The following PRKG1 variants were observed in gnomAD, a reference collection of about 807,000 sequenced individuals.
PRKG1 encodes protein kinase cGMP-dependent 1.
A neutral mutation model predicts 88.1 loss-of-function variants in PRKG1; 35 were observed. The observed-to-expected ratio is 0.40, with a 90% CI of 0.30 to 0.53. The LOEUF (loss-of-function observed/expected upper bound fraction) is 0.53. PRKG1 is among the 20% of genes least tolerant of loss of function. The pLI, the probability that PRKG1 is intolerant of heterozygous loss-of-function variation, is 0.59. For missense variants in PRKG1, 540 were observed against 839.8 expected, an observed-to-expected ratio of 0.64 and a Z score of 4.41; for synonymous variants, 303 against 292.5, an observed-to-expected ratio of 1.04 and a Z score of -0.37.
chr10:51,064,838 A>G (rs1843730503), intron 1 of PRKG1, among the ~76,000 whole-genome samples: 2 of 152,058 alleles, frequency 1.3e-5, no homozygotes, highest in Non-Finnish European at 2.9e-5. Context: ...TTGTGATGTT[A>G]AGCTTATGAT....
At chr10:51,830,560 GTT>G (rs531412645) in intron 4 of PRKG1, among the ~76,000 whole-genome samples, 20 of 83,642 alleles carry the variant, frequency 2.4e-4, no homozygotes, top group African/African-American at 8.4e-4. Flanking sequence ...TTTTTTTTTT[GTT>G]TTTTTTTTTT....
chr10:50,991,322 C>CGCA lies in PRKG1; in HGVS notation c.-55_-54insAGC, dbSNP rs869177340. Reference sequence around the variant, plus strand: ...CGGCTGCCGTCCCAGCCGCCGCCGCCGCCGCCGCCGCCGCCGCCGCCCGAG... The same window carrying CGCA: ...CGGCTGCCGTCCCAGCCGCCGCCGCCGCAGCCGCCGCCGCCGCCGCCGCCCGAG... On this transcript the variant is annotated 5_prime_UTR_variant, in exon 1 of 18. Coordinates refer to the PRKG1 transcript ENST00000401604. The surrounding 1 kb of genome is among the most constrained non-coding windows in gnomAD (Gnocchi z 4.5). 9 of 1,394,900 alleles carry CGCA rather than the reference C, an allele frequency of 6.5e-6. No individual in the cohort carries two copies. The highest frequency in any genetic ancestry group is 6.2e-5 in the African/African-American group (4 of 64,182). 86.4% of individuals were successfully genotyped at this position (1,394,900 alleles called of 1,614,324 possible).
At chr10:51,148,793 C>G (rs1158519345) in intron 1 of PRKG1, among the ~76,000 whole-genome samples, 1 of 152,082 alleles carries the variant, frequency 6.6e-6, no homozygotes, top group African/African-American at 2.4e-5. Flanking sequence ...TTTCAGTATT[C>G]ATTAATTGAT....
chr10:51,464,691 A>C (rs917724714), intron 2 of PRKG1, among the ~76,000 whole-genome samples: 1 of 151,750 alleles, frequency 6.6e-6, no homozygotes, highest in African/African-American at 2.4e-5. Flanking sequence ...GGAGATCGAG[A>C]CCATCCCGGC....
At chr10:51,252,271 T>C (rs1839446719) in intron 2 of PRKG1, among the ~76,000 whole-genome samples, 1 of 151,858 alleles carries the variant, frequency 6.6e-6, no homozygotes, top group Non-Finnish European at 1.5e-5. Context: ...ATAACACTTT[T>C]GTTATTTGGA....
intron 2 of PRKG1, among the ~76,000 whole-genome samples, chr10:51,345,389 T>C (rs1470802428): frequency 6.6e-6 from 1 of 152,112 alleles, no homozygotes; most frequent in Non-Finnish European, 1.5e-5. Context: ...CTATTAACTG[T>C]AATAGGTAAC....
intron 3 of PRKG1, among the ~76,000 whole-genome samples, chr10:51,572,698 T>A (rs1393491061): frequency 6.6e-6 from 1 of 151,798 alleles, no homozygotes; most frequent in Non-Finnish European, 1.5e-5. Context: ...GTTTGTTTGT[T>A]TTTTGAGATG....
intron 7 of PRKG1, among the ~76,000 whole-genome samples, chr10:52,100,699 A>T (rs1047131604): frequency 4.6e-5 from 7 of 152,210 alleles, no homozygotes; most frequent in Non-Finnish European, 1.0e-4. Flanking sequence ...GAGAGCCTTT[A>T]TCCAAGATGA....
intron 1 of PRKG1, among the ~76,000 whole-genome samples, chr10:51,129,359 C>T (rs1348143701): frequency 2.0e-5 from 3 of 151,870 alleles, no homozygotes; most frequent in Admixed American, 6.6e-5. Context: ...GCATGATAAT[C>T]GCTTGAACCC....
intron 5 of PRKG1, among the ~76,000 whole-genome samples, chr10:52,035,756 T>C (rs998391888): frequency 3.3e-5 from 5 of 151,852 alleles, no homozygotes; most frequent in African/African-American, 1.2e-4. Context: ...AGGAAGAAAA[T>C]AGATTTTGGA....
rs143221830 is a variant in PRKG1 at position 51,295,627 on chromosome 10, G to A, written c.478+142297G>A. On this transcript the variant is annotated intron_variant, in intron 2 of 17. Coordinates refer to ENST00000373980, the MANE Select transcript of PRKG1 (RefSeq NM_006258.4). The stretch of plus-strand genomic sequence containing the variant: ...TTCCTAATTAGATGCATTCTATTCC[G>A]ATTTCCTTTCCTTTCCTCTTCTTTT... Among the ~76,000 whole-genome samples the A allele has an allele frequency of 1.5e-3, 228 of 150,076 alleles. 1 individual carries two copies. Among genetic ancestry groups the A allele is most frequent in the African/African-American group, 5.4e-3 (220 of 41,012 alleles).
intron 2 of PRKG1, among the ~76,000 whole-genome samples, chr10:51,349,240 A>G (rs1279476999): frequency 2.6e-5 from 4 of 152,158 alleles, no homozygotes; most frequent in African/African-American, 4.8e-5. Flanking sequence ...GTGGAAGACT[A>G]CGGATTTCTG....
At chr10:51,041,327 G>A (rs1222841060) in intron 1 of PRKG1, among the ~76,000 whole-genome samples, 3 of 152,134 alleles carry the variant, frequency 2.0e-5, no homozygotes, top group Non-Finnish European at 4.4e-5. Context: ...TTGTATCTGA[G>A]CTGGTACCCA....
intron 2 of PRKG1, among the ~76,000 whole-genome samples, chr10:51,380,297 T>C (rs965445711): frequency 2.0e-5 from 3 of 152,162 alleles, no homozygotes; most frequent in Non-Finnish European, 4.4e-5. Flanking sequence ...TGATTATCCA[T>C]AGTGGGAGTA....
chr10:51,580,926 AT>A (rs1488567065), intron 3 of PRKG1, among the ~76,000 whole-genome samples: 2 of 151,898 alleles, frequency 1.3e-5, no homozygotes, highest in African/African-American at 4.8e-5. Flanking sequence ...CCACAATGCA[AT>A]GGGGCTCTTT....
chr10:52,276,098 G>T (rs190899489), intron 12 of PRKG1, among the ~76,000 whole-genome samples: 1 of 152,142 alleles, frequency 6.6e-6, no homozygotes, highest in African/African-American at 2.4e-5. Flanking sequence ...AGTCCTTAGG[G>T]TTTGCCAGGA....
At chr10:51,876,868 G>A (rs1841313216) in intron 4 of PRKG1, among the ~76,000 whole-genome samples, 1 of 152,010 alleles carries the variant, frequency 6.6e-6, no homozygotes, top group Admixed American at 6.6e-5. Flanking sequence ...GGTTTTACCT[G>A]GGTTCCTAAT....
At chr10:52,050,004 T>C (rs1845948097) in intron 5 of PRKG1, among the ~76,000 whole-genome samples, 1 of 151,986 alleles carries the variant, frequency 6.6e-6, no homozygotes, top group Non-Finnish European at 1.5e-5. Context: ...GTTCATACAA[T>C]GGAGAGAACT....
intron 3 of PRKG1, among the ~76,000 whole-genome samples, chr10:51,491,939 A>G (rs1840717153): frequency 6.6e-6 from 1 of 152,138 alleles, no homozygotes; most frequent in African/African-American, 2.4e-5. Context: ...TGCCCTCTCC[A>G]TGAATACTGA....
Sources: allele counts gnomAD v4.1 joint callset (sites outside exome capture counted in the v4.1 genomes callset), GRCh38; gene constraint gnomAD v4.1.1; non-coding constraint Gnocchi (gnomAD v3.1); transcripts MANE v1.5; gene names NCBI Gene and HGNC (gene_info 2026-07-23, HGNC 2026-07-21).